Variants in LUC7L2 observed in about 807,000 individuals in gnomAD.
LUC7L2 encodes putative RNA-binding protein Luc7-like 2.
Under a neutral mutation model 52.8 loss-of-function variants are expected in LUC7L2, and 25 were observed. The ratio of observed to expected loss-of-function variants is 0.47; its 90% CI spans 0.34 to 0.66. LUC7L2 has a LOEUF of 0.66. LUC7L2 is among the 30% of genes least tolerant of loss of function. LUC7L2 has a pLI of 0.01. For missense variants in LUC7L2, 328 were observed against 497.8 expected (o/e 0.66, Z 3.25); for synonymous variants, 144 against 160.9 (o/e 0.89, Z 0.80).
At position 139,405,629 on chromosome 7, in the gene LUC7L2, T is replaced by C; in HGVS notation, c.367-15T>C. On this transcript the variant is annotated splice_polypyrimidine_tract_variant and intron_variant, in intron 4 of 9. Coordinates refer to ENST00000354926, the MANE Select transcript of LUC7L2 (RefSeq NM_016019.5). ...CTCTTGTTTATTCATGATCTTCTTT[T>C]TTATTTCTTTTTAGGCAGAACGTGT... is the stretch of plus-strand genomic sequence containing the variant. The C allele has an allele frequency of 6.4e-7, 1 of 1,574,744 alleles. No homozygotes were observed. The highest frequency in any genetic ancestry group is 8.6e-7 in the Non-Finnish European group (1 of 1,168,112).
At chr7:139,377,601 C>G (rs1800783133) in intron 2 of LUC7L2, among the ~76,000 whole-genome samples, 1 of 152,086 alleles carries the variant, frequency 6.6e-6, no homozygotes, top group African/African-American at 2.4e-5. Context: ...GTCATGTTGG[C>G]CAGGCTGGTC....
intron 1 of LUC7L2, among the ~76,000 whole-genome samples, chr7:139,348,995 T>A (rs954108523): frequency 2.7e-5 from 4 of 148,108 alleles, no homozygotes; most frequent in Non-Finnish European, 4.4e-5. Context: ...ACCCCGTTTG[T>A]ACTAAAAATG....
chr7:139,360,225 GC>G lies in LUC7L2; in HGVS notation c.-33del, dbSNP rs1569366208. The G allele has an allele frequency of 1.3e-6, 2 of 1,522,486 alleles. No homozygotes were observed. Among genetic ancestry groups the G allele is most frequent in the Non-Finnish European group, 1.8e-6 (2 of 1,126,562 alleles). 94.3% of individuals were successfully genotyped at this position (1,522,486 alleles called of 1,614,324 possible). On this transcript the variant is annotated 5_prime_UTR_variant, in exon 1 of 10. Coordinates refer to ENST00000354926, the MANE Select transcript of LUC7L2 (RefSeq NM_016019.5). ...CCCAGCCCAAAAGGGCCCGGTCTGC[GC>G]CCCACCCCCGCCCGTCCGCCCGCTA...
At chr7:139,407,400 T>C in intron 6 of LUC7L2, 50 bp downstream of exon 6, 1 of 1,545,666 alleles carries the variant, frequency 6.5e-7, no homozygotes, top group Non-Finnish European at 8.7e-7. Flanking sequence ...TTTTGATCTG[T>C]ATCAGTTGCC....
rs773161434 is a variant in LUC7L2 at position 139,407,355 on chromosome 7, A to G, written c.687+5A>G. 79 of 1,602,160 alleles carry G rather than the reference A, an allele frequency of 4.9e-5. No individual in the cohort carries two copies. The highest frequency in any genetic ancestry group is 6.4e-5 in the Non-Finnish European group (75 of 1,173,974). On this transcript the variant is annotated splice_donor_5th_base_variant and intron_variant, in intron 6 of 9. Transcript: ENST00000354926. ...GAGAAGCTTGAAGAATTAAAGGTAC[A>G]TTGGTAAAATATTCCTCACTTTATC...
intron 2 of LUC7L2, among the ~76,000 whole-genome samples, chr7:139,382,612 C>T (rs939332738): frequency 6.6e-6 from 1 of 152,130 alleles, no homozygotes; most frequent in Non-Finnish European, 1.5e-5. Flanking sequence ...TGGCTGGTCT[C>T]ACACTCCTGG....
At chr7:139,375,689 C>T in intron 1 of LUC7L2, 1 of 903,378 alleles carries the variant, frequency 1.1e-6, no homozygotes, top group Non-Finnish European at 1.3e-6. Context: ...AGTATAAACT[C>T]TCTTAGTGGG....
rs1795956180 is a variant in LUC7L2, at chr7:139,422,754, T to A, written c.*414T>A. On this transcript the variant is annotated 3_prime_UTR_variant, in exon 10 of 10. Transcript: ENST00000354926. ...ACTTTGTATCCCTTAATACCTACACTCTCCAATTGTAAGAGAAAGGGGGCA... is the reference window on the plus strand; with the variant it reads ...ACTTTGTATCCCTTAATACCTACACACTCCAATTGTAAGAGAAAGGGGGCA... 2.5e-6 allele frequency: 1 copy of A among 400,306 alleles called. No individual in the cohort carries two copies. The allele number at this position is 400,306 out of a possible 1,614,324, so 24.8% of individuals were successfully genotyped here.
At chr7:139,368,615 G>T (rs1339576541) in intron 1 of LUC7L2, among the ~76,000 whole-genome samples, 2 of 151,940 alleles carry the variant, frequency 1.3e-5, no homozygotes, top group Non-Finnish European at 2.9e-5. Flanking sequence ...GTGGGTGCCT[G>T]TAATCCCAGC....
At chr7:139,411,711 G>C (rs1208150486) in intron 7 of LUC7L2, among the ~76,000 whole-genome samples, 2 of 152,194 alleles carry the variant, frequency 1.3e-5, no homozygotes, top group East Asian at 3.8e-4. Context: ...GCTAGGAAAT[G>C]TGACAAGTGC....
intron 6 of LUC7L2, among the ~76,000 whole-genome samples, chr7:139,408,172 TCCATATTCTCAG>T (rs1183258536): frequency 6.6e-6 from 1 of 152,208 alleles, no homozygotes; most frequent in African/African-American, 2.4e-5. Flanking sequence ...TAGGGACATC[TCCATATTCTCAG>T]GTAACAGTGG....
chr7:139,351,259 G>A (rs1799450913), intron 1 of LUC7L2, among the ~76,000 whole-genome samples: 1 of 152,138 alleles, frequency 6.6e-6, no homozygotes, highest in South Asian at 2.1e-4. Context: ...TGTGCGAAAT[G>A]GAACCTCCTC....
At chr7:139,385,121 A>G (rs1457528637) in intron 2 of LUC7L2, among the ~76,000 whole-genome samples, 1 of 152,232 alleles carries the variant, frequency 6.6e-6, no homozygotes, top group East Asian at 1.9e-4. Flanking sequence ...AAGTACAGAT[A>G]TACGTTCATA....
intron 1 of LUC7L2, among the ~76,000 whole-genome samples, chr7:139,362,107 AT>A (rs962312372): frequency 1.2e-3 from 170 of 146,946 alleles, no homozygotes; most frequent in African/African-American, 1.5e-3. Context: ...CTGTTACTGG[AT>A]TTTTTTTTTT....
chr7:139,378,120 A>G (rs1800812317), intron 2 of LUC7L2, among the ~76,000 whole-genome samples: 1 of 151,942 alleles, frequency 6.6e-6, no homozygotes, highest in African/African-American at 2.4e-5. Context: ...ACCTGGCCAT[A>G]ATAAACTCCT....
At chr7:139,375,116 T>A (rs143150348) in intron 1 of LUC7L2, 5 of 984,102 alleles carry the variant, frequency 5.1e-6, no homozygotes, top group Non-Finnish European at 4.8e-6. Context: ...AACATCCTAA[T>A]GAGTTTTTTC....
chr7:139,402,298 T>A, intron 4 of LUC7L2, 51 bp downstream of exon 4: 1 of 1,460,954 alleles, frequency 6.8e-7, no homozygotes. Context: ...CGACTCCTTT[T>A]GTTTAAGTTT....
At chr7:139,422,114 G>A (rs1795934555) in intron 9 of LUC7L2, 49 bp from the exon 10 acceptor site, 2 of 1,553,756 alleles carry the variant, frequency 1.3e-6, no homozygotes, top group Non-Finnish European at 1.7e-6. Context: ...TTTAATTTGG[G>A]TTTTTGGGTT....
chr7:139,399,757 C>T (rs1271850424), intron 3 of LUC7L2, among the ~76,000 whole-genome samples: 1 of 151,822 alleles, frequency 6.6e-6, no homozygotes, highest in African/African-American at 2.4e-5. Flanking sequence ...GCGTGAGCCA[C>T]GGCACCCGGC....
Sources: allele counts gnomAD v4.1 joint callset (sites outside exome capture counted in the v4.1 genomes callset), GRCh38; gene constraint gnomAD v4.1.1; transcripts MANE v1.5; gene names NCBI Gene and HGNC (gene_info 2026-07-23, HGNC 2026-07-21).